Variants in GUCY1B1 observed in about 807,000 individuals in gnomAD.
GUCY1B1 encodes guanylate cyclase soluble subunit beta-1.
Under a neutral mutation model 71.0 loss-of-function variants are expected in GUCY1B1, and 43 were observed. The observed-to-expected ratio is 0.61, with a 90% CI of 0.47 to 0.78. The LOEUF (loss-of-function observed/expected upper bound fraction) is 0.78, where lower values mean the gene tolerates loss of function less well. Among genes scored for constraint, GUCY1B1 ranks in the 30% least tolerant of loss-of-function variants. The pLI, the probability that GUCY1B1 is intolerant of heterozygous loss-of-function variation, is 0.00. For synonymous variants in GUCY1B1, 266 were observed against 259.7 expected, an observed-to-expected ratio of 1.02 and a Z score of -0.23; for missense variants, 535 against 754.1, an observed-to-expected ratio of 0.71 and a Z score of 3.40.
In GUCY1B1 at chr4:155,759,064, C is replaced by G. The variant is rs1312651477; in HGVS notation, c.-77C>G. The stretch of plus-strand genomic sequence containing the variant: ...CTCCCCGGCCCGGTTGCGCTGTAGC[C>G]GCTGCCGCCTCTGCCTGGGTCCCTT... On this transcript the variant is annotated 5_prime_UTR_variant, in exon 1 of 14. Coordinates refer to ENST00000264424, the MANE Select transcript of GUCY1B1 (RefSeq NM_000857.5). 6 of 1,487,854 alleles carry G rather than the reference C, an allele frequency of 4.0e-6. No homozygotes were observed. In the Admixed American group the frequency reaches 5.7e-5, roughly 14 times the overall value. The allele number at this position is 1,487,854 out of a possible 1,614,324, so 92.2% of individuals were successfully genotyped here.
intron 2 of GUCY1B1, among the ~76,000 whole-genome samples, chr4:155,767,522 A>T (rs1737416384): frequency 6.6e-6 from 1 of 152,172 alleles, no homozygotes; most frequent in Non-Finnish European, 1.5e-5. Context: ...GCAATTATGT[A>T]TCAAGACTGT....
intron 2 of GUCY1B1, 94 bp downstream of exon 2, chr4:155,759,954 C>A: frequency 1.1e-6 from 1 of 874,622 alleles, no homozygotes; most frequent in South Asian, 1.5e-5. Context: ...CTGGCCGGGT[C>A]GCGGGCGCGC....
chr4:155,772,919 G>T (rs1737791671), intron 2 of GUCY1B1, among the ~76,000 whole-genome samples: 2 of 152,190 alleles, frequency 1.3e-5, no homozygotes, highest in African/African-American at 4.8e-5. Flanking sequence ...TGCATACTAA[G>T]GTATGGATGT....
At chr4:155,790,688 ATTAG>A (rs1331656407) in intron 5 of GUCY1B1, among the ~76,000 whole-genome samples, 9 of 152,220 alleles carry the variant, frequency 5.9e-5, no homozygotes, top group African/African-American at 2.2e-4. Context: ...TAGAAAACCT[ATTAG>A]ACAGTTCTTT....
intron 2 of GUCY1B1, among the ~76,000 whole-genome samples, chr4:155,760,506 G>T (rs1038530226): frequency 8.4e-6 from 1 of 119,208 alleles, no homozygotes; most frequent in Non-Finnish European, 1.6e-5. Flanking sequence ...TCTACTTTCA[G>T]TCCTGGAGCT....
intron 13 of GUCY1B1, among the ~76,000 whole-genome samples, chr4:155,805,839 T>A (rs1348932139): frequency 1.3e-5 from 2 of 152,174 alleles, no homozygotes; most frequent in Non-Finnish European, 2.9e-5. Context: ...TGTGCTAGAA[T>A]GGACTTCAGA....
rs1740048173 is a variant in GUCY1B1, at chr4:155,802,780, A to C, written c.1413+201A>C. On this transcript the variant is annotated intron_variant, in intron 10 of 13. Transcript: ENST00000264424. The surrounding 1 kb of genome is among the most constrained non-coding windows in gnomAD (Gnocchi z 4.3). ...CTGTCTCTTCCTTGTAACCACAATG[A>C]ATGTTTCATGAAGTGGGTGATTCCC... Among the ~76,000 whole-genome samples, 1 of 152,182 alleles carries C rather than the reference A, an allele frequency of 6.6e-6. No homozygotes were observed. The highest frequency in any genetic ancestry group is 1.5e-5 in the Non-Finnish European group (1 of 68,044).
chr4:155,787,626 T>A (rs1267199579), intron 4 of GUCY1B1, among the ~76,000 whole-genome samples: 1 of 152,216 alleles, frequency 6.6e-6, no homozygotes, highest in Non-Finnish European at 1.5e-5. Context: ...ATCATGCAGA[T>A]CTGCATCCAA....
In GUCY1B1 at chr4:155,802,403, C is replaced by T; in HGVS notation, c.1237C>T (p.Pro413Ser). The T allele has an allele frequency of 2.5e-6, 4 of 1,613,722 alleles. No individual in the cohort carries two copies. In the South Asian group the frequency reaches 4.4e-5, roughly 18 times the overall value. Residue 413 changes from proline to serine, a missense_variant, in exon 10 of 14, where the codon CCT becomes TCT. Pro to Ser is a moderately conservative substitution (Grantham distance 74). Transcript: ENST00000264424. This position sits in a 1 kb window ranked among gnomAD's most constrained non-coding sequence, Gnocchi z 4.3. ...TGAGCTGCGGCACAAGCGTCCAGTG[C>T]CTGCCAAAAGATATGACAATGTGAC... is the stretch of plus-strand genomic sequence containing the variant. Reference protein sequence around the residue: ...ANELRHKRPVPAKRYDNVTIL... With the variant: ...ANELRHKRPVSAKRYDNVTIL...
chr4:155,801,708 ATCC>A (rs1402269901), intron 9 of GUCY1B1, among the ~76,000 whole-genome samples: 1 of 152,136 alleles, frequency 6.6e-6, no homozygotes, highest in Non-Finnish European at 1.5e-5. Context: ...ACCAGCTGTC[ATCC>A]TCCTCCTGTG....
At chr4:155,805,033 T>C in intron 12 of GUCY1B1, 70 bp from the exon 13 acceptor site, 1 of 1,359,456 alleles carries the variant, frequency 7.4e-7, no homozygotes, top group Non-Finnish European at 1.0e-6. Flanking sequence ...GTTTATAACA[T>C]GATACATGTC....
chr4:155,759,069 C>T lies in GUCY1B1; in HGVS notation c.-72C>T, dbSNP rs1029992525. 2 of 1,510,356 alleles carry T rather than the reference C, an allele frequency of 1.3e-6. No individual in the cohort carries two copies. The highest frequency in any genetic ancestry group is 1.8e-6 in the Non-Finnish European group (2 of 1,108,670). The allele number at this position is 1,510,356 out of a possible 1,614,324, so 93.6% of individuals were successfully genotyped here. A position where few individuals can be genotyped will look rare whatever the true frequency, so the allele number is the denominator to read the frequency against. On this transcript the variant is annotated 5_prime_UTR_variant, in exon 1 of 14. Coordinates refer to ENST00000264424, the MANE Select transcript of GUCY1B1 (RefSeq NM_000857.5). Reference sequence around the variant, plus strand: ...CGGCCCGGTTGCGCTGTAGCCGCTGCCGCCTCTGCCTGGGTCCCTTCGGCC... The same window carrying T: ...CGGCCCGGTTGCGCTGTAGCCGCTGTCGCCTCTGCCTGGGTCCCTTCGGCC...
Position 155,802,304 on chromosome 4 carries a change from A to T in GUCY1B1, c.1176-38A>T. ...CAGAAGCACTAAAGGCTTTCCCAGTATTTCTTACAGTGGCTTTCTGCTGAT... is the reference window on the plus strand; with the variant it reads ...CAGAAGCACTAAAGGCTTTCCCAGTTTTTCTTACAGTGGCTTTCTGCTGAT... On this transcript the variant is annotated intron_variant, in intron 9 of 13. Transcript: ENST00000264424. This position sits in a 1 kb window ranked among gnomAD's most constrained non-coding sequence, Gnocchi z 4.3. 3 of 1,612,548 alleles carry T rather than the reference A, an allele frequency of 1.9e-6. No homozygotes were observed. The highest frequency in any genetic ancestry group is 1.7e-6 in the Non-Finnish European group (2 of 1,179,446).
intron 2 of GUCY1B1, 119 bp from the exon 3 acceptor site, chr4:155,774,849 C>CA (rs1737933580): frequency 2.9e-6 from 2 of 678,124 alleles, no homozygotes; most frequent in Non-Finnish European, 2.6e-6. Context: ...CAAATTTGCC[C>CA]AAAAAAACCA....
At chr4:155,759,692 C>A in intron 1 of GUCY1B1, 95 bp from the exon 2 acceptor site, 5 of 847,106 alleles carry the variant, frequency 5.9e-6, no homozygotes, top group Non-Finnish European at 7.8e-6. Flanking sequence ...AAAGGTTAAG[C>A]CAGCGCCATG....
intron 5 of GUCY1B1, among the ~76,000 whole-genome samples, chr4:155,790,165 C>T (rs1739061306): frequency 6.6e-6 from 1 of 152,140 alleles, no homozygotes; most frequent in African/African-American, 2.4e-5. Flanking sequence ...ATTTACTTTG[C>T]ATTCCCTGTG....
At chr4:155,778,812 T>C (rs2111051528) in intron 4 of GUCY1B1, among the ~76,000 whole-genome samples, 1 of 152,268 alleles carries the variant, frequency 6.6e-6, no homozygotes, top group Admixed American at 6.5e-5. Flanking sequence ...TTTGGGGGAT[T>C]TTGGGTTTTT....
intron 4 of GUCY1B1, among the ~76,000 whole-genome samples, chr4:155,789,376 C>A (rs1001557709): frequency 6.6e-6 from 1 of 152,234 alleles, no homozygotes; most frequent in Non-Finnish European, 1.5e-5. Flanking sequence ...GTAGAAACAG[C>A]TGCCCCAAGC....
intron 2 of GUCY1B1, among the ~76,000 whole-genome samples, chr4:155,773,845 G>A (rs910327349): frequency 7.9e-4 from 120 of 152,066 alleles, no homozygotes; most frequent in African/African-American, 2.7e-3. Context: ...CCGCCACCAC[G>A]CCAGGCTAAT....
Sources: gnomAD v4.1 joint callset for allele counts (sites outside exome capture counted in the v4.1 genomes callset) on GRCh38, gnomAD v4.1.1 for gene constraint, Gnocchi (gnomAD v3.1) non-coding constraint, MANE v1.5 for transcripts, NCBI Gene and HGNC (gene_info 2026-07-23, HGNC 2026-07-21) for gene names.